The following ATXN1 variants were observed in gnomAD, a reference collection of about 807,000 sequenced individuals.
The protein encoded by ATXN1 is ataxin 1.
A neutral mutation model predicts 56.4 loss-of-function variants in ATXN1; 8 were observed. The ratio of observed to expected loss-of-function variants is 0.14; its 90% CI spans 0.08 to 0.26. The LOEUF is 0.26. Ranked by LOEUF, ATXN1 falls within the 10% of genes least tolerant of loss-of-function variation. ATXN1 has a pLI of 1.00. For synonymous variants in ATXN1, 514 were observed against 494.6 expected, an observed-to-expected ratio of 1.04 and a Z score of -0.52; for missense variants, 987 against 1,106.5, an observed-to-expected ratio of 0.89 and a Z score of 1.53.
intron 6 of ATXN1, among the ~76,000 whole-genome samples, chr6:16,357,314 G>C (rs1352776000): frequency 6.6e-6 from 1 of 150,564 alleles, no homozygotes; most frequent in Non-Finnish European, 1.5e-5. Context: ...CTGTCACCCA[G>C]GCTGGAGTGC....
chr6:16,526,978 G>T (rs1761407955), intron 4 of ATXN1, among the ~76,000 whole-genome samples: 1 of 148,060 alleles, frequency 6.8e-6, no homozygotes, highest in Non-Finnish European at 1.5e-5. Context: ...GTATGATCTT[G>T]AGTGATCCTA....
intron 6 of ATXN1, among the ~76,000 whole-genome samples, chr6:16,351,566 C>G (rs1456820779): frequency 6.6e-6 from 1 of 152,118 alleles, no homozygotes; most frequent in Non-Finnish European, 1.5e-5. Context: ...CCACGCCCAG[C>G]TAATTTTTGT....
chr6:16,634,281 A>G (rs1763555079), intron 3 of ATXN1, among the ~76,000 whole-genome samples: 1 of 152,212 alleles, frequency 6.6e-6, no homozygotes, highest in South Asian at 2.1e-4. Context: ...CTCTGTAATG[A>G]AAAAGTTAAT....
chr6:16,715,200 T>A (rs2113461009), intron 2 of ATXN1, among the ~76,000 whole-genome samples: 1 of 152,308 alleles, frequency 6.6e-6, no homozygotes, highest in South Asian at 2.1e-4. Context: ...ATAGCTTCTA[T>A]TTAAACATGA....
chr6:16,556,150 G>A (rs938001326), intron 4 of ATXN1, among the ~76,000 whole-genome samples: 9 of 151,880 alleles, frequency 5.9e-5, no homozygotes, highest in South Asian at 4.2e-4. Context: ...AAGCCTTTTC[G>A]GAGACTCTTT....
At chr6:16,348,673 C>T (rs1193194043) in intron 6 of ATXN1, among the ~76,000 whole-genome samples, 10 of 151,198 alleles carry the variant, frequency 6.6e-5, no homozygotes, top group East Asian at 1.9e-4. Context: ...CTAGCCTGGG[C>T]GACAGGAGTG....
chr6:16,524,603 G>T (rs999491101), intron 4 of ATXN1, among the ~76,000 whole-genome samples: 1 of 152,078 alleles, frequency 6.6e-6, no homozygotes, highest in African/African-American at 2.4e-5. Context: ...TAACAATATC[G>T]ACTTCATAGA....
At chr6:16,342,593 C>T (rs78085193) in intron 6 of ATXN1, among the ~76,000 whole-genome samples, 3,181 of 152,232 alleles carry the variant, frequency 0.021, 104 homozygotes, top group African/African-American at 0.071. Flanking sequence ...ATTGTGCACA[C>T]GAGCCAAAAG....
chr6:16,373,614 TG>T (rs1330653526), intron 6 of ATXN1, among the ~76,000 whole-genome samples: 1 of 152,176 alleles, frequency 6.6e-6, no homozygotes, highest in Non-Finnish European at 1.5e-5. Context: ...AACTGAATAA[TG>T]GGGGCAGTTT....
chr6:16,682,479 G>T (rs552714019), intron 2 of ATXN1, among the ~76,000 whole-genome samples: 1 of 152,108 alleles, frequency 6.6e-6, no homozygotes, highest in African/African-American at 2.4e-5. Context: ...TTACAGGTGT[G>T]AGCCACCGCG....
chr6:16,395,054 C>T (rs1264077393), intron 6 of ATXN1, among the ~76,000 whole-genome samples: 2 of 151,884 alleles, frequency 1.3e-5, no homozygotes, highest in African/African-American at 4.8e-5. Context: ...GCGGATCACC[C>T]GAGATCGGGG....
At chr6:16,348,294 G>A (rs977882069) in intron 6 of ATXN1, among the ~76,000 whole-genome samples, 5 of 152,020 alleles carry the variant, frequency 3.3e-5, no homozygotes, top group Admixed American at 2.6e-4. Context: ...CAAACTCCTG[G>A]GCTTAAGCGA....
At chr6:16,418,329 T>A (rs1041381939) in intron 6 of ATXN1, among the ~76,000 whole-genome samples, 1 of 152,168 alleles carries the variant, frequency 6.6e-6, no homozygotes, top group African/African-American at 2.4e-5. Flanking sequence ...CTTGCATTTG[T>A]ACAGAAATGG....
chr6:16,302,108 GAGTA>G lies in ATXN1; in HGVS notation c.*4217_*4220del, dbSNP rs1205767414. ...TATTGCAATCTATGCGGTATCTAAG[GAGTA>G]ATCCACAAGATGCAGGAAATCCAAA... On this transcript the variant is annotated 3_prime_UTR_variant, in exon 8 of 8. Transcript: ENST00000436367. 6.6e-6 allele frequency: 1 copy of G among 152,632 alleles called. No homozygotes were observed. Among genetic ancestry groups the G allele is most frequent in the Non-Finnish European group, 1.5e-5 (1 of 68,038 alleles). 9.5% of individuals were successfully genotyped at this position (152,632 alleles called of 1,614,324 possible). A position where few individuals can be genotyped will look rare whatever the true frequency, so the allele number is the denominator to read the frequency against.
At chr6:16,734,581 C>T (rs72827827) in intron 2 of ATXN1, among the ~76,000 whole-genome samples, 6,117 of 152,264 alleles carry the variant, frequency 0.04, 150 homozygotes, top group South Asian at 0.072. Flanking sequence ...AATCTCAGCT[C>T]ACTGCAGCCT....
intron 6 of ATXN1, among the ~76,000 whole-genome samples, chr6:16,340,363 T>C (rs1761218473): frequency 1.3e-5 from 2 of 152,194 alleles, no homozygotes; most frequent in South Asian, 4.1e-4. Flanking sequence ...AAACTCTAGA[T>C]GCTGAGGTTC....
At chr6:16,638,934 G>A (rs1763650895) in intron 3 of ATXN1, among the ~76,000 whole-genome samples, 2 of 152,204 alleles carry the variant, frequency 1.3e-5, no homozygotes, top group Non-Finnish European at 2.9e-5. Context: ...GTATTGAGAG[G>A]TGAAGCCAGC....
rs563658243 is a variant in ATXN1 at position 16,523,377 on chromosome 6, T to C, written c.-360-689A>G. Among the ~76,000 whole-genome samples the C allele has an allele frequency of 2.6e-5, 4 of 152,234 alleles. No homozygotes were observed. In the East Asian group the frequency reaches 7.7e-4, roughly 29 times the overall value. On this transcript the variant is annotated intron_variant, in intron 4 of 7. Transcript: ENST00000436367. ...CCTGGGATCCTCCCTCCAAAGTCCCTCTCATGGGGGAATTCAGTGACCGTG... is the reference window on the plus strand; with the variant it reads ...CCTGGGATCCTCCCTCCAAAGTCCCCCTCATGGGGGAATTCAGTGACCGTG...
At chr6:16,515,961 A>G (rs2299088) in intron 5 of ATXN1, among the ~76,000 whole-genome samples, 19,946 of 152,196 alleles carry the variant, frequency 0.13, 1,778 homozygotes, top group East Asian at 0.37. Flanking sequence ...CAAGGTCAGA[A>G]AGACAAGATG....
Sources: allele counts gnomAD v4.1 joint callset (sites outside exome capture counted in the v4.1 genomes callset), GRCh38; gene constraint gnomAD v4.1.1; transcripts MANE v1.5; gene names NCBI Gene and HGNC (gene_info 2026-07-23, HGNC 2026-07-21).